Variants in RBFOX1 observed in about 807,000 individuals in gnomAD.
RBFOX1 encodes RNA binding protein fox-1 homolog 1.
In RBFOX1, 8 loss-of-function variants were observed where a neutral mutation model predicts 57.7. The observed-to-expected ratio is 0.14, with a 90% CI of 0.08 to 0.25. RBFOX1 has a LOEUF of 0.25. Ranked by LOEUF, RBFOX1 falls within the 10% of genes least tolerant of loss-of-function variation. RBFOX1 has a pLI of 1.00. For missense variants in RBFOX1, 611 were observed against 548.5 expected (o/e 1.11, Z -1.14); for synonymous variants, 326 against 222.4 (o/e 1.47, Z -4.15).
rs2072729795 is a variant in RBFOX1, at chr16:7,504,955, A to G, written c.28-13192A>G. Reference sequence around the variant, plus strand: ...ACAGACAGGTGAAGCCCTACGCAGCATGCCTTTCCAGCGCGAAATGCTTCA... The same window carrying G: ...ACAGACAGGTGAAGCCCTACGCAGCGTGCCTTTCCAGCGCGAAATGCTTCA... On this transcript the variant is annotated intron_variant, in intron 4 of 15. Coordinates refer to ENST00000550418, the MANE Select transcript of RBFOX1 (RefSeq NM_018723.4). 6.7e-5 allele frequency among the ~76,000 whole-genome samples: 10 copies of G among 149,842 alleles called. 1 individual carries two copies. In the South Asian group the frequency reaches 1.9e-3, roughly 28 times the overall value.
chr16:7,572,912 C>G (rs528905798), intron 5 of RBFOX1, among the ~76,000 whole-genome samples: 38 of 150,702 alleles, frequency 2.5e-4, no homozygotes, highest in African/African-American at 9.0e-4. Flanking sequence ...AGGAACCGTA[C>G]TATAGTGGTA....
chr16:7,033,985 A>C (rs533562037), intron 3 of RBFOX1, among the ~76,000 whole-genome samples: 1 of 152,188 alleles, frequency 6.6e-6, no homozygotes, highest in Non-Finnish European at 1.5e-5. Flanking sequence ...CTAAAATAAA[A>C]TAATAAAGGC....
At chr16:7,068,399 G>C (rs1267073942) in intron 4 of RBFOX1, among the ~76,000 whole-genome samples, 1 of 152,102 alleles carries the variant, frequency 6.6e-6, no homozygotes, top group Non-Finnish European at 1.5e-5. Context: ...AGAGCATTCA[G>C]AACTACCATC....
Position 5,392,265 on chromosome 16 carries a change from C to T in RBFOX1, c.220-74951C>T, listed in dbSNP as rs564956362. ...TTCATGTAACCAAATACCACCTGTT[C>T]CTCTAAAACCTATGGAAATAAAAAA... is the stretch of plus-strand genomic sequence containing the variant. On this transcript the variant is annotated intron_variant, in intron 1 of 2. Transcript: ENST00000585867. Among the ~76,000 whole-genome samples the T allele has an allele frequency of 1.4e-3, 218 of 152,024 alleles. 1 individual carries two copies. Among genetic ancestry groups the T allele is most frequent in the African/African-American group, 5.1e-3 (212 of 41,470 alleles).
At position 5,298,893 on chromosome 16, in the gene RBFOX1, C is replaced by T. The variant is rs572873852; in HGVS notation, c.219+58788C>T. ...AATTGAATATTTTGCATAGGGCAGA[C>T]GGGACTGAGTTTGAGATAGGTGGAC... On this transcript the variant is annotated intron_variant, in intron 1 of 2. Transcript: ENST00000585867. 1.6e-4 allele frequency among the ~76,000 whole-genome samples: 15 copies of T among 95,284 alleles called. No individual in the cohort carries two copies. The East Asian group carries it at 1.7e-3, about 11-fold the overall frequency. The allele number at this position is 95,284 out of a possible 152,430, so 62.5% of individuals were successfully genotyped here.
At chr16:5,756,121 G>A (rs945833165) in intron 3 of RBFOX1, among the ~76,000 whole-genome samples, 3 of 151,416 alleles carry the variant, frequency 2.0e-5, no homozygotes, top group Admixed American at 6.6e-5. Flanking sequence ...CAAAGCTACA[G>A]GTGGTGCCTC....
chr16:5,317,453 C>CA (rs1446239774), intron 1 of RBFOX1, among the ~76,000 whole-genome samples: 7 of 152,186 alleles, frequency 4.6e-5, no homozygotes, highest in African/African-American at 1.2e-4. Flanking sequence ...ACTAAAAATA[C>CA]AAAAAATTAG....
rs1227570341 is a variant in RBFOX1, at chr16:7,068,176, T to C, written c.27+16078T>C. 2.6e-5 allele frequency among the ~76,000 whole-genome samples: 4 copies of C among 152,084 alleles called. No homozygotes were observed. In the East Asian group the frequency reaches 7.7e-4, roughly 29 times the overall value. ...TTAAGATCCGTAATTATAATTCCAT[T>C]GGCAAAATCCTGTTTGCCATGTACC... On this transcript the variant is annotated intron_variant, in intron 4 of 15. Coordinates refer to ENST00000550418, the MANE Select transcript of RBFOX1 (RefSeq NM_018723.4).
chr16:7,609,477 T>C (rs1390923855), intron 10 of RBFOX1, among the ~76,000 whole-genome samples: 6 of 152,208 alleles, frequency 3.9e-5, no homozygotes, highest in Non-Finnish European at 1.5e-5. Context: ...TTCATCTGCA[T>C]GACTTCTAGA....
chr16:7,055,518 G>GC (rs2051858826), intron 4 of RBFOX1, among the ~76,000 whole-genome samples: 1 of 152,126 alleles, frequency 6.6e-6, no homozygotes, highest in African/African-American at 2.4e-5. Context: ...TCACAGGGCA[G>GC]CACTCTCATC....
chr16:7,181,770 A>C (rs756554885), intron 4 of RBFOX1, among the ~76,000 whole-genome samples: 20 of 152,066 alleles, frequency 1.3e-4, no homozygotes, highest in Admixed American at 3.3e-4. Context: ...CATGTTACCC[A>C]GGCTGGTCTC....
intron 2 of RBFOX1, among the ~76,000 whole-genome samples, chr16:5,590,191 C>G (rs1480314219): frequency 6.6e-6 from 1 of 151,930 alleles, no homozygotes; most frequent in Non-Finnish European, 1.5e-5. Flanking sequence ...AAACGATTTA[C>G]ATGGTAATAG....
intron 3 of RBFOX1, among the ~76,000 whole-genome samples, chr16:6,882,058 C>G (rs1603636109): frequency 6.6e-6 from 1 of 152,148 alleles, no homozygotes; most frequent in Non-Finnish European, 1.5e-5. Context: ...TGATGTCAGT[C>G]TTCCTGCTTA....
At chr16:7,567,568 T>C in intron 5 of RBFOX1, among the ~76,000 whole-genome samples, 1 of 69,320 alleles carries the variant, frequency 1.4e-5, no homozygotes, top group African/African-American at 4.2e-5. Flanking sequence ...TATGGCCCTA[T>C]ATATATATAT....
At chr16:6,998,805 G>A (rs1206765931) in intron 3 of RBFOX1, among the ~76,000 whole-genome samples, 1 of 151,914 alleles carries the variant, frequency 6.6e-6, no homozygotes, top group Non-Finnish European at 1.5e-5. Flanking sequence ...TTCCTTCTGA[G>A]TACTTTAAAA....
At chr16:7,092,345 A>C (rs1238138099) in intron 4 of RBFOX1, among the ~76,000 whole-genome samples, 1 of 152,236 alleles carries the variant, frequency 6.6e-6, no homozygotes, top group Non-Finnish European at 1.5e-5. Flanking sequence ...TTAAAATGTG[A>C]AGAAGGAAAA....
intron 4 of RBFOX1, among the ~76,000 whole-genome samples, chr16:7,131,203 A>G (rs1336461736): frequency 2.6e-5 from 4 of 151,974 alleles, no homozygotes; most frequent in Admixed American, 2.6e-4. Context: ...AAAGTTAGCC[A>G]GGTGTGGTAT....
intron 4 of RBFOX1, among the ~76,000 whole-genome samples, chr16:7,127,731 G>A (rs999174077): frequency 1.3e-5 from 2 of 152,146 alleles, no homozygotes; most frequent in African/African-American, 2.4e-5. Context: ...GCTTCAAAAC[G>A]AGCTTTTATC....
At chr16:6,763,683 A>T (rs2076944751) in intron 3 of RBFOX1, among the ~76,000 whole-genome samples, 1 of 152,032 alleles carries the variant, frequency 6.6e-6, no homozygotes, top group Non-Finnish European at 1.5e-5. Context: ...CTGTTTTAGG[A>T]TTTACGTTTT....
Sources: allele counts gnomAD v4.1 joint callset (sites outside exome capture counted in the v4.1 genomes callset), GRCh38; gene constraint gnomAD v4.1.1; transcripts MANE v1.5; gene names NCBI Gene and HGNC (gene_info 2026-07-23, HGNC 2026-07-21).